Variants in GPC6 observed in about 807,000 individuals in gnomAD.
The protein encoded by GPC6 is glypican-6.
A neutral mutation model predicts 55.2 loss-of-function variants in GPC6; 14 were observed. The observed-to-expected ratio is 0.25, with a 90% CI of 0.17 to 0.40. GPC6 has a LOEUF of 0.40. Ranked by LOEUF, GPC6 falls within the 10% of genes least tolerant of loss-of-function variation. The pLI is 1.00. For missense variants in GPC6, 641 were observed against 708.5 expected (o/e 0.90, Z 1.08); for synonymous variants, 278 against 259.6 (o/e 1.07, Z -0.68).
At chr13:93,878,309 G>C (rs1395501770) in intron 3 of GPC6, among the ~76,000 whole-genome samples, 1 of 152,018 alleles carries the variant, frequency 6.6e-6, no homozygotes, top group Non-Finnish European at 1.5e-5. Context: ...TAAAGGTTGA[G>C]GGAATGAATT....
chr13:93,548,025 G>C (rs996145705), intron 2 of GPC6, among the ~76,000 whole-genome samples: 1 of 152,132 alleles, frequency 6.6e-6, no homozygotes, highest in Non-Finnish European at 1.5e-5. Flanking sequence ...ATTGATGAAT[G>C]TCAGTTTGAT....
intron 2 of GPC6, among the ~76,000 whole-genome samples, chr13:93,551,423 T>A (rs113390024): frequency 0.017 from 2,523 of 152,264 alleles, 33 homozygotes; most frequent in South Asian, 0.032. Context: ...CAGGCTTGAC[T>A]CTAAACTATG....
chr13:94,020,834 T>C (rs17791617), intron 3 of GPC6, among the ~76,000 whole-genome samples: 2,270 of 152,292 alleles, frequency 0.015, 43 homozygotes, highest in Admixed American at 0.049. Context: ...TGAATAAAGA[T>C]GAAATAAATT....
At chr13:94,343,961 G>A (rs1566699835) in intron 6 of GPC6, among the ~76,000 whole-genome samples, 1 of 152,062 alleles carries the variant, frequency 6.6e-6, no homozygotes, top group Non-Finnish European at 1.5e-5. Flanking sequence ...GAACTCCTGG[G>A]CTCAAGTGAG....
In GPC6 at chr13:93,383,732, A is replaced by AT. The variant is rs11326667; in HGVS notation, c.160+156129dup. ...CCCTTAGGTATTATGCAAACCAAGA[A>AT]TTTTTTTTTTTTTAATAGGGAGACT... On this transcript the variant is annotated intron_variant, in intron 1 of 8. Coordinates refer to ENST00000377047, the MANE Select transcript of GPC6 (RefSeq NM_005708.5). Among the ~76,000 whole-genome samples the AT allele has an allele frequency of 5.0e-3, 732 of 147,488 alleles. 5 individuals carry two copies. Among genetic ancestry groups the AT allele is most frequent in the Non-Finnish European group, 8.0e-3 (529 of 66,462 alleles).
chr13:93,997,581 ATGTG>A (rs146601294), intron 3 of GPC6, among the ~76,000 whole-genome samples: 9,583 of 148,908 alleles, frequency 0.064, 390 homozygotes, highest in African/African-American at 0.1. Context: ...AAGACATAAT[ATGTG>A]TGTGTGTGTG....
chr13:94,059,307 G>T (rs1277973347), intron 4 of GPC6, among the ~76,000 whole-genome samples: 5 of 151,238 alleles, frequency 3.3e-5, no homozygotes, highest in African/African-American at 1.2e-4. Flanking sequence ...CCAAGCTTGT[G>T]CATCTCTTGA....
At chr13:94,033,067 T>C (rs1255918599) in intron 4 of GPC6, among the ~76,000 whole-genome samples, 2 of 152,188 alleles carry the variant, frequency 1.3e-5, no homozygotes, top group Non-Finnish European at 2.9e-5. Context: ...ACCCAGTATA[T>C]GTTCTTTGAA....
intron 1 of GPC6, among the ~76,000 whole-genome samples, chr13:93,363,117 G>GTTTTTT (rs199840187): frequency 7.9e-6 from 1 of 126,010 alleles, no homozygotes; most frequent in East Asian, 2.3e-4. Flanking sequence ...CTTTTTTTTT[G>GTTTTTT]TTTTTTTTTT....
At chr13:93,360,497 G>A in intron 1 of GPC6, among the ~76,000 whole-genome samples, 1 of 152,184 alleles carries the variant, frequency 6.6e-6, no homozygotes, top group Middle Eastern at 3.4e-3. Context: ...TATGGTCCAC[G>A]GATACCAGAG....
intron 3 of GPC6, among the ~76,000 whole-genome samples, chr13:94,005,267 T>C (rs911833729): frequency 6.6e-6 from 1 of 152,230 alleles, no homozygotes; most frequent in African/African-American, 2.4e-5. Context: ...AACTAATTTG[T>C]AGAACTATGT....
intron 2 of GPC6, among the ~76,000 whole-genome samples, chr13:93,721,937 T>C (rs2138823999): frequency 6.6e-6 from 1 of 151,916 alleles, no homozygotes; most frequent in African/African-American, 2.4e-5. Context: ...AGAATATGCA[T>C]TTGCTTTGAA....
intron 1 of GPC6, among the ~76,000 whole-genome samples, chr13:93,368,026 G>T (rs1881309511): frequency 6.6e-6 from 1 of 152,022 alleles, no homozygotes; most frequent in African/African-American, 2.4e-5. Flanking sequence ...AAAGATGGTT[G>T]TTAAAATCTC....
chr13:93,339,271 T>C (rs1675295320), intron 1 of GPC6, among the ~76,000 whole-genome samples: 1 of 152,044 alleles, frequency 6.6e-6, no homozygotes, highest in Admixed American at 6.6e-5. Flanking sequence ...CATACATAGA[T>C]TGGGTCATGC....
intron 1 of GPC6, among the ~76,000 whole-genome samples, chr13:93,341,395 C>G (rs1195328566): frequency 6.6e-6 from 1 of 152,224 alleles, no homozygotes; most frequent in Non-Finnish European, 1.5e-5. Flanking sequence ...TTCACCACAT[C>G]CATGCCAACA....
upstream of GPC6, among the ~76,000 whole-genome samples, chr13:93,224,750 A>G (rs975123046): frequency 6.6e-6 from 1 of 152,128 alleles, no homozygotes; most frequent in Non-Finnish European, 1.5e-5. Context: ...TTTGTCTCTT[A>G]CACCACTGCA....
At chr13:93,221,426 T>C in the GPC6 span, among the ~76,000 whole-genome samples, 2 of 152,204 alleles carry the variant, frequency 1.3e-5, no homozygotes, top group Admixed American at 6.5e-5. Context: ...CAAACAGTTC[T>C]GGCTTCAGAG....
At chr13:93,550,868 T>C (rs1196981969) in intron 2 of GPC6, among the ~76,000 whole-genome samples, 1 of 152,116 alleles carries the variant, frequency 6.6e-6, no homozygotes, top group Non-Finnish European at 1.5e-5. Context: ...CCAAGTATTG[T>C]TGTAGATTAA....
intron 2 of GPC6, among the ~76,000 whole-genome samples, chr13:93,597,994 A>G (rs993310845): frequency 6.6e-6 from 1 of 151,904 alleles, no homozygotes; most frequent in Non-Finnish European, 1.5e-5. Flanking sequence ...AAATACAAAT[A>G]TTATCTTGGT....
Sources: gnomAD v4.1 joint callset for allele counts (sites outside exome capture counted in the v4.1 genomes callset) on GRCh38, gnomAD v4.1.1 for gene constraint, MANE v1.5 for transcripts, NCBI Gene and HGNC (gene_info 2026-07-23, HGNC 2026-07-21) for gene names.